ANKRD35: variants seen among roughly 807,000 people sequenced by gnomAD.
The protein encoded by ANKRD35 is ankyrin repeat domain-containing protein 35.
In ANKRD35, 102 loss-of-function variants were observed where a neutral mutation model predicts 109.9. The ratio of observed to expected loss-of-function variants is 0.93; its 90% CI spans 0.79 to 1.09. ANKRD35 has a LOEUF of 1.09. Among genes scored for constraint, ANKRD35 ranks in the 50% least tolerant of loss-of-function variants. The probability of loss-of-function intolerance (pLI) is 0.00; values close to 1 mark genes in which losing one functional copy is unlikely to be tolerated. For synonymous variants in ANKRD35, 515 were observed against 512.4 expected (o/e 1.01, Z -0.07); for missense variants, 1,240 against 1,230.1 (o/e 1.01, Z -0.12).
intron 10 of ANKRD35, among the ~76,000 whole-genome samples, chr1:145,871,010 T>A (rs34232509): frequency 1.4e-3 from 208 of 152,212 alleles, no homozygotes; most frequent in Non-Finnish European, 2.3e-3. Context: ...ACTAAATCCA[T>A]GTGTAAATTG....
Position 145,874,212 on chromosome 1 carries a change from G to T in ANKRD35, c.746-20C>A. 1.9e-6 allele frequency: 3 copies of T among 1,613,258 alleles called. No homozygotes were observed. Among genetic ancestry groups the T allele is most frequent in the Non-Finnish European group, 2.5e-6 (3 of 1,179,262 alleles). On this transcript the variant is annotated intron_variant, in intron 8 of 13. Coordinates refer to ENST00000355594, the MANE Select transcript of ANKRD35 (RefSeq NM_144698.5). ...TCTGACCTATAAGAAAAGATATGAG[G>T]AAAATGAGAGAGAAGACAGGTTCCA...
At position 145,872,059 on chromosome 1, in the gene ANKRD35, G is replaced by T; in HGVS notation, c.2710C>A (p.Gln904Lys). ...QASEMRGRSEQFEKTAELLKE... is the reference protein window; with the variant it reads ...QASEMRGRSEKFEKTAELLKE... ...AGCAGCTCTGCCGTTTTCTCAAACT[G>T]CTCGGAGCGCCCCCGCATCTCGCTG... The change falls in exon 10 of 14, where the codon CAG becomes AAG. Residue 904 changes from glutamine to lysine, a missense_variant. Transcript: ENST00000355594. 6.2e-7 allele frequency: 1 copy of T among 1,613,596 alleles called. No homozygotes were observed. The highest frequency in any genetic ancestry group is 8.5e-7 in the Non-Finnish European group (1 of 1,179,924).
At chr1:145,881,995 C>T (rs1459325158) in intron 1 of ANKRD35, among the ~76,000 whole-genome samples, 4 of 141,346 alleles carry the variant, frequency 2.8e-5, no homozygotes, top group African/African-American at 1.1e-4. Context: ...TGCTCTGTCG[C>T]CCAGGCTGGA....
At chr1:145,867,937 T>C in intron 12 of ANKRD35, 54 bp downstream of exon 12, 3 of 1,556,942 alleles carry the variant, frequency 1.9e-6, no homozygotes, top group Non-Finnish European at 2.7e-6. Context: ...CTAAATGCAA[T>C]ACCCTATACT....
chr1:145,881,314 C>T (rs1219353351), intron 1 of ANKRD35, among the ~76,000 whole-genome samples: 2 of 151,756 alleles, frequency 1.3e-5, no homozygotes, highest in Non-Finnish European at 2.9e-5. Context: ...AAAAAGAACC[C>T]AGTCCACCTG....
At position 145,874,965 on chromosome 1, in the gene ANKRD35, A is replaced by T. The variant is rs782259131; in HGVS notation, c.602T>A (p.Val201Glu). ...TCCGTGGCTCAGGAGCAGTTCAGCC[A>T]CCTCGGCACTGCCTTTCTCACAGGC... ...ILACEKGSAE[V>E]AELLLSHGAD... The change falls in exon 8 of 14, where the codon GTG becomes GAG. Residue 201 changes from valine to glutamate, a missense_variant. Physicochemically the swap from Val to Glu is moderately radical, Grantham distance 121. Coordinates refer to ENST00000355594, the MANE Select transcript of ANKRD35 (RefSeq NM_144698.5). The T allele has an allele frequency of 3.8e-5, 62 of 1,612,102 alleles. No homozygotes were observed. The highest frequency in any genetic ancestry group is 4.9e-5 in the Non-Finnish European group (58 of 1,179,220).
rs1553740467 is a variant in ANKRD35, at chr1:145,878,078, T to C, written c.260-46A>G. 4 of 1,539,124 alleles carry C rather than the reference T, an allele frequency of 2.6e-6. No homozygotes were observed. In the African/African-American group the frequency reaches 5.5e-5, roughly 21 times the overall value. ...GAAGGAGGGTAGGTGGCCCCATGCATGCTGATGACTCACAGGGAGGGAAGG... is the reference window on the plus strand; with the variant it reads ...GAAGGAGGGTAGGTGGCCCCATGCACGCTGATGACTCACAGGGAGGGAAGG... On this transcript the variant is annotated intron_variant, in intron 3 of 13. Coordinates refer to ENST00000355594, the MANE Select transcript of ANKRD35 (RefSeq NM_144698.5).
chr1:145,872,202 A>G lies in ANKRD35; in HGVS notation c.2567T>C (p.Leu856Pro), dbSNP rs1553738850. 1.2e-6 allele frequency: 2 copies of G among 1,609,134 alleles called. No homozygotes were observed. Among genetic ancestry groups the G allele is most frequent in the Admixed American group, 1.7e-5 (1 of 58,610 alleles). ...GCAGGCCGTATTATACTTTTCCAAC[A>G]GAGCCTTTAGCTCCTGGCCCCAAGC... Reference protein sequence around the residue: ...AQAWGQELKALLEKYNTACRE... With the variant: ...AQAWGQELKAPLEKYNTACRE... Residue 856 changes from leucine (L) to proline (P), a missense_variant, in exon 10 of 14, where the codon CTG becomes CCG. Physicochemically the swap from Leu to Pro is moderately conservative, Grantham distance 98. Coordinates refer to ENST00000355594, the MANE Select transcript of ANKRD35 (RefSeq NM_144698.5).
Position 145,870,217 on chromosome 1 carries a change from G to C in ANKRD35, c.2787+1765C>G, listed in dbSNP as rs183696099. The stretch of plus-strand genomic sequence containing the variant: ...ACCATTCTCCTGCCTCAGCCTCTCC[G>C]AGTAGCTGGGAGTACAGGCGCCCAC... On this transcript the variant is annotated intron_variant, in intron 10 of 13. Transcript: ENST00000355594. 4.6e-5 allele frequency among the ~76,000 whole-genome samples: 7 copies of C among 151,172 alleles called. No individual in the cohort carries two copies. In the East Asian group the frequency reaches 1.4e-3, roughly 29 times the overall value.
At chr1:145,868,625 C>T (rs1022121240) in intron 10 of ANKRD35, among the ~76,000 whole-genome samples, 4 of 152,200 alleles carry the variant, frequency 2.6e-5, no homozygotes, top group Admixed American at 6.5e-5. Context: ...CCTTAAAAGT[C>T]CAAATCTTTT....
chr1:145,880,141 T>C (rs1654233828), intron 1 of ANKRD35, among the ~76,000 whole-genome samples: 1 of 152,182 alleles, frequency 6.6e-6, no homozygotes, highest in Admixed American at 6.5e-5. Context: ...AGCAGCTGTC[T>C]AGACAACAGC....
In ANKRD35 at chr1:145,874,842, A is replaced by G; in HGVS notation, c.725T>C (p.Leu242Pro). ...TTTACCGCCCCGCCGCCGCCGGCTC[A>G]GGGCCTGCTGTAGGTGCCTCCACAG... is the stretch of plus-strand genomic sequence containing the variant. Reference protein sequence around the residue: ...KALWRHLQQALSRRRRGGQRL... With the variant: ...KALWRHLQQAPSRRRRGGQRL... Residue 242 changes from leucine (L) to proline (P), a missense_variant, in exon 8 of 14, where the codon CTG (leucine) becomes CCG (proline). Leu to Pro is a moderately conservative substitution (Grantham distance 98). Coordinates refer to ENST00000355594, the MANE Select transcript of ANKRD35 (RefSeq NM_144698.5). The G allele has an allele frequency of 6.3e-7, 1 of 1,599,788 alleles. No homozygotes were observed. Among genetic ancestry groups the G allele is most frequent in the East Asian group, 2.3e-5 (1 of 44,176 alleles).
At chr1:145,883,725 C>T (rs920390031) in intron 1 of ANKRD35, among the ~76,000 whole-genome samples, 5 of 152,188 alleles carry the variant, frequency 3.3e-5, no homozygotes, top group African/African-American at 1.2e-4. Context: ...CACTACTTCT[C>T]TGACAAATGG....
intron 8 of ANKRD35, among the ~76,000 whole-genome samples, 157 bp downstream of exon 8, chr1:145,874,665 G>A (rs897917300): frequency 6.6e-6 from 1 of 152,186 alleles, no homozygotes; most frequent in Non-Finnish European, 1.5e-5. Context: ...TTTGGGATGG[G>A]GATTTGGGGT....
In ANKRD35 at chr1:145,872,559, A is replaced by G; in HGVS notation, c.2210T>C (p.Val737Ala). The G allele has an allele frequency of 6.2e-7, 1 of 1,610,530 alleles. No homozygotes were observed. Among genetic ancestry groups the G allele is most frequent in the Non-Finnish European group, 8.5e-7 (1 of 1,178,388 alleles). ...CTGCTGGGCCTCCCGGTGCCGATCCACCAGGGTGCTGATGCAGGCCCGCAG... is the reference window on the plus strand; with the variant it reads ...CTGCTGGGCCTCCCGGTGCCGATCCGCCAGGGTGCTGATGCAGGCCCGCAG... ...EELRACISTL[V>A]DRHREAQQVL... Residue 737 changes from valine to alanine, a missense_variant, in exon 10 of 14, where the codon GTG becomes GCG. By Grantham distance (64) the Val-to-Ala change is moderately conservative (BLOSUM62 0). Coordinates refer to ENST00000355594, the MANE Select transcript of ANKRD35 (RefSeq NM_144698.5).
chr1:145,876,124 G>A lies in ANKRD35; in HGVS notation c.560+16C>T, dbSNP rs782656400. 6.2e-6 allele frequency: 10 copies of A among 1,611,904 alleles called. No individual in the cohort carries two copies. The African/African-American group carries it at 1.1e-4, about 17-fold the overall frequency. ...TCAGGCATGGGAATTGGGGTGCATA[G>A]ACGAGGGGGGCTCACTTGTCATTCT... On this transcript the variant is annotated intron_variant, in intron 7 of 13. Coordinates refer to ENST00000355594, the MANE Select transcript of ANKRD35 (RefSeq NM_144698.5).
rs782396862 is a variant in ANKRD35 at position 145,872,120 on chromosome 1, G to C, written c.2649C>G (p.Asp883Glu). Residue 883 changes from aspartate to glutamate, a missense_variant, in exon 10 of 14, where the codon GAC (aspartate) becomes GAG (glutamate). Asp to Glu is a conservative substitution (Grantham distance 45). Transcript: ENST00000355594. ...CTTGTTCGGCTGCCTGAGCGGCCAG[G>C]TCCCCGCTCCGGCGGCGCTCCTCGG... is the stretch of plus-strand genomic sequence containing the variant. ...AVAEERRRSG[D>E]LAAQAAEQER... The C allele has an allele frequency of 6.2e-7, 1 of 1,611,122 alleles. No homozygotes were observed. Among genetic ancestry groups the C allele is most frequent in the Non-Finnish European group, 8.5e-7 (1 of 1,178,790 alleles).
intron 12 of ANKRD35, 119 bp downstream of exon 12, chr1:145,867,872 A>G (rs1570790726): frequency 1.1e-6 from 1 of 950,972 alleles, no homozygotes; most frequent in East Asian, 2.4e-5. Context: ...CACTGGATCC[A>G]GCTTTCCGAG....
rs1553739132 is a variant in ANKRD35, at chr1:145,872,862, C to T, written c.1907G>A (p.Arg636Gln). ...NLLEELGELG[R>Q]ERQRLQRELQ... ...CTCCCTCTGCAACCTCTGCCGCTCC[C>T]GCCCCAACTCCCCTAACTCCTCCAG... Residue 636 changes from arginine (R) to glutamine (Q), a missense_variant, in exon 10 of 14, where the codon CGG becomes CAG. Arg to Gln is a conservative substitution (Grantham distance 43, BLOSUM62 1). Coordinates refer to ENST00000355594, the MANE Select transcript of ANKRD35 (RefSeq NM_144698.5). 6.2e-7 allele frequency: 1 copy of T among 1,614,118 alleles called. No individual in the cohort carries two copies. Among genetic ancestry groups the T allele is most frequent in the Admixed American group, 1.7e-5 (1 of 60,032 alleles).
Sources: allele counts gnomAD v4.1 joint callset (sites outside exome capture counted in the v4.1 genomes callset), GRCh38; gene constraint gnomAD v4.1.1; transcripts MANE v1.5; gene names NCBI Gene and HGNC (gene_info 2026-07-23, HGNC 2026-07-21).